Variants in SMYD3 observed in about 807,000 individuals in gnomAD.
SMYD3 encodes SET and MYND domain containing 3.
A neutral mutation model predicts 57.7 loss-of-function variants in SMYD3; 36 were observed. That is an observed-to-expected ratio of 0.62 (90% CI 0.48 to 0.82). The LOEUF (loss-of-function observed/expected upper bound fraction) is 0.82. Among genes scored for constraint, SMYD3 ranks in the 40% least tolerant of loss-of-function variants. SMYD3 has a pLI of 0.00. For missense variants in SMYD3, 515 were observed against 538.8 expected (o/e 0.96, Z 0.44); for synonymous variants, 211 against 195.0 (o/e 1.08, Z -0.68).
At chr1:245,823,854 AG>A (rs1438246618) in intron 10 of SMYD3, among the ~76,000 whole-genome samples, 2 of 152,218 alleles carry the variant, frequency 1.3e-5, no homozygotes, top group African/African-American at 4.8e-5. Flanking sequence ...AAACTCTGGC[AG>A]GGTATCAGGT....
At chr1:246,477,235 C>T (rs1353417819) in intron 1 of SMYD3, among the ~76,000 whole-genome samples, 2 of 152,174 alleles carry the variant, frequency 1.3e-5, no homozygotes, top group Admixed American at 6.5e-5. Context: ...ATCCTATTTT[C>T]CCACCTTATA....
chr1:245,849,220 T>C (rs2050826264), intron 10 of SMYD3, among the ~76,000 whole-genome samples: 1 of 152,200 alleles, frequency 6.6e-6, no homozygotes, highest in Non-Finnish European at 1.5e-5. Flanking sequence ...CTACCTAGAA[T>C]GACTCATGCT....
chr1:245,893,893 C>T (rs1484267652), intron 8 of SMYD3, among the ~76,000 whole-genome samples: 3 of 152,184 alleles, frequency 2.0e-5, no homozygotes, highest in Non-Finnish European at 4.4e-5. Context: ...CTATCTGTTA[C>T]TCTTATCACT....
At chr1:246,447,707 T>G (rs1219994714) in intron 1 of SMYD3, among the ~76,000 whole-genome samples, 1 of 152,224 alleles carries the variant, frequency 6.6e-6, no homozygotes, top group Non-Finnish European at 1.5e-5. Context: ...CTATGCTTAG[T>G]CAGTTCTTCA....
chr1:246,354,529 AG>A (rs1425983768), intron 2 of SMYD3, among the ~76,000 whole-genome samples: 1 of 152,244 alleles, frequency 6.6e-6, no homozygotes, highest in Non-Finnish European at 1.5e-5. Context: ...TCATTAACAA[AG>A]AAATTATTAT....
chr1:245,880,832 G>A (rs188849950), intron 8 of SMYD3, among the ~76,000 whole-genome samples: 270 of 152,344 alleles, frequency 1.8e-3, no homozygotes, highest in Non-Finnish European at 2.5e-3. Flanking sequence ...AGACCCTGAT[G>A]TAAGTGGAAA....
chr1:246,123,645 A>T (rs2061460274), intron 5 of SMYD3, among the ~76,000 whole-genome samples: 1 of 150,816 alleles, frequency 6.6e-6, no homozygotes, highest in Non-Finnish European at 1.5e-5. Context: ...GACTTTCCTA[A>T]TGGTGGCAGT....
chr1:245,768,914 G>A (rs1572283227), intron 10 of SMYD3, among the ~76,000 whole-genome samples: 1 of 152,078 alleles, frequency 6.6e-6, no homozygotes, highest in East Asian at 1.9e-4. Context: ...TTCTGTTCTT[G>A]GTGAATTACC....
chr1:246,242,612 G>A (rs542629751), intron 5 of SMYD3, among the ~76,000 whole-genome samples: 2 of 152,196 alleles, frequency 1.3e-5, no homozygotes, highest in African/African-American at 4.8e-5. Context: ...AACCTTAAAT[G>A]TAAATGGGCT....
intron 5 of SMYD3, among the ~76,000 whole-genome samples, chr1:246,041,643 C>T (rs1253171654): frequency 6.6e-6 from 1 of 151,976 alleles, no homozygotes; most frequent in Non-Finnish European, 1.5e-5. Flanking sequence ...GTAGGTAACG[C>T]TAAAGGAAGA....
At chr1:246,326,500 G>A (rs375482965) in intron 5 of SMYD3, 23 of 569,902 alleles carry the variant, frequency 4.0e-5, no homozygotes, top group African/African-American at 2.1e-4. Flanking sequence ...GAGGCCGGGC[G>A]TGGCAGTTCG....
At chr1:245,763,823 A>C (rs1174515195) in intron 11 of SMYD3, among the ~76,000 whole-genome samples, 2 of 152,194 alleles carry the variant, frequency 1.3e-5, no homozygotes, top group African/African-American at 4.8e-5. Context: ...TTTACATTTA[A>C]AATCAGCCAT....
At chr1:245,865,599 A>G (rs2148498926) in intron 8 of SMYD3, among the ~76,000 whole-genome samples, 1 of 152,352 alleles carries the variant, frequency 6.6e-6, no homozygotes, top group South Asian at 2.1e-4. Flanking sequence ...TCTGTTTGCC[A>G]CAGATACTGC....
At chr1:245,997,097 T>G (rs1489957512) in intron 5 of SMYD3, among the ~76,000 whole-genome samples, 2 of 148,446 alleles carry the variant, frequency 1.3e-5, no homozygotes, top group African/African-American at 2.5e-5. Flanking sequence ...CGAACTCAGT[T>G]CAGGGCATGG....
intron 1 of SMYD3, among the ~76,000 whole-genome samples, chr1:246,409,270 T>C (rs2102982033): frequency 6.6e-6 from 1 of 152,334 alleles, no homozygotes; most frequent in East Asian, 1.9e-4. Flanking sequence ...TCCTGAATGG[T>C]ATTGCCTAGG....
At chr1:246,005,556 G>A (rs2148170862) in intron 5 of SMYD3, among the ~76,000 whole-genome samples, 1 of 152,258 alleles carries the variant, frequency 6.6e-6, no homozygotes, top group East Asian at 1.9e-4. Context: ...AAACTCCCTT[G>A]GTATGTCCTA....
rs994974506 is a variant in SMYD3 at position 246,090,388 on chromosome 1, A to T, written c.532-160451T>A. ...ACGTTGGTCATTAAATGGGCATGGA[A>T]GAAACAGAGAGAACACCATCTTCTG... On this transcript the variant is annotated intron_variant, in intron 5 of 11. Transcript: ENST00000490107. 1.3e-5 allele frequency among the ~76,000 whole-genome samples: 2 copies of T among 152,108 alleles called. 1 individual carries two copies. Among genetic ancestry groups the T allele is most frequent in the African/African-American group, 4.8e-5 (2 of 41,404 alleles).
intron 1 of SMYD3, among the ~76,000 whole-genome samples, chr1:246,416,893 T>C (rs1019813663): frequency 1.1e-4 from 17 of 152,088 alleles, no homozygotes; most frequent in Non-Finnish European, 5.9e-5. Flanking sequence ...AATACAATTC[T>C]CTTAAACCTC....
At chr1:246,179,762 A>G (rs976283490) in intron 5 of SMYD3, among the ~76,000 whole-genome samples, 12 of 152,158 alleles carry the variant, frequency 7.9e-5, no homozygotes, top group Non-Finnish European at 1.5e-4. Flanking sequence ...TTTGGTTTCC[A>G]TGTTGGCATT....
Sources: gnomAD v4.1 joint callset for allele counts (sites outside exome capture counted in the v4.1 genomes callset) on GRCh38, gnomAD v4.1.1 for gene constraint, MANE v1.5 for transcripts, NCBI Gene and HGNC (gene_info 2026-07-23, HGNC 2026-07-21) for gene names.